IGFN1: variants seen among roughly 807,000 people sequenced by gnomAD.
The protein encoded by IGFN1 is immunoglobulin like and fibronectin type III domain containing 1, also known as immunoglobulin-like and fibronectin type III domain-containing protein 1.
A neutral mutation model predicts 289.5 loss-of-function variants in IGFN1; 253 were observed. The observed-to-expected ratio is 0.87, with a 90% CI of 0.79 to 0.97. The LOEUF is 0.97. Ranked by LOEUF, IGFN1 falls within the 50% of genes least tolerant of loss-of-function variation. The probability of loss-of-function intolerance (pLI) is 0.00; values close to 1 mark genes in which losing one functional copy is unlikely to be tolerated. For synonymous variants in IGFN1, 1,706 were observed against 1,788.5 expected (o/e 0.95, Z 1.16); for missense variants, 4,470 against 4,686.1 (o/e 0.95, Z 1.35).
chr1:201,218,500 GT>G, intron 17 of IGFN1, 29 bp from the exon 18 acceptor site: 1 of 1,603,506 alleles, frequency 6.2e-7, no homozygotes, highest in African/African-American at 1.3e-5. Context: ...CACCATCAGG[GT>G]GGGACTCACA....
intron 19 of IGFN1, 27 bp from the exon 20 acceptor site, chr1:201,222,712 G>A (rs1286572235): frequency 1.3e-6 from 2 of 1,570,858 alleles, no homozygotes; most frequent in African/African-American, 1.3e-5. Context: ...GGAGGAGGGA[G>A]GTAACCAGTC....
At position 201,201,954 on chromosome 1, in the gene IGFN1, C is replaced by A. The variant is rs547473223; in HGVS notation, c.747+122C>A. On this transcript the variant is annotated intron_variant, in intron 9 of 23. Coordinates refer to ENST00000335211, the MANE Select transcript of IGFN1 (RefSeq NM_001164586.2). ...ACAACCAGAGCACACAAGTGGTGAG[C>A]CCCTCATCCCATGGAGTTCCTGGCT... The A allele has an allele frequency of 1.3e-4, 83 of 631,704 alleles. 1 individual carries two copies. Among genetic ancestry groups the A allele is most frequent in the Non-Finnish European group, 2.3e-4 (82 of 348,978 alleles). The allele number at this position is 631,704 out of a possible 1,614,324, so 39.1% of individuals were successfully genotyped here. A position where few individuals can be genotyped will look rare whatever the true frequency, so the allele number is the denominator to read the frequency against.
At position 201,221,617 on chromosome 1, in the gene IGFN1, G is replaced by C. The variant is rs774690185; in HGVS notation, c.10072G>C (p.Val3358Leu). The change falls in exon 19 of 24, where the codon GTC becomes CTC. Residue 3358 changes from valine (V) to leucine (L), a missense_variant. By Grantham distance (32) the Val-to-Leu change is conservative. Around this residue, in one of 8 missense-constraint regions of IGFN1, gnomAD observed 2,218 missense variants for 2,114.1 expected, o/e 1.05. Transcript: ENST00000335211. Reference sequence around the variant, plus strand: ...CCCGTGCCATGTGGGCACCGTGCCAGTCACCACCTACACGGCCAAGGGGCT... The same window carrying C: ...CCCGTGCCATGTGGGCACCGTGCCACTCACCACCTACACGGCCAAGGGGCT... ...WLPCHVGTVP[V>L]TTYTAKGLRP... The C allele has an allele frequency of 6.2e-7, 1 of 1,614,220 alleles. No individual in the cohort carries two copies. The highest frequency in any genetic ancestry group is 1.1e-5 in the South Asian group (1 of 91,092).
At position 201,216,758 on chromosome 1, in the gene IGFN1, G is replaced by A; in HGVS notation, c.9595+5G>A. The A allele has an allele frequency of 6.3e-7, 1 of 1,593,026 alleles. No homozygotes were observed. The highest frequency in any genetic ancestry group is 8.6e-7 in the Non-Finnish European group (1 of 1,167,928). ...AGATATTGGTGGCTCCTGAGGGTGA[G>A]AGAAAAGGCTGGGGCTGGGGGTGGG... On this transcript the variant is annotated splice_donor_5th_base_variant and intron_variant, in intron 16 of 23. Coordinates refer to ENST00000335211, the MANE Select transcript of IGFN1 (RefSeq NM_001164586.2).
At position 201,208,464 on chromosome 1, in the gene IGFN1, T is replaced by C. The variant is rs1667544518; in HGVS notation, c.3571T>C (p.Ser1191Pro). Residue 1191 changes from serine to proline, a missense_variant, in exon 12 of 24, where the codon TCA becomes CCA. Ser to Pro is a moderately conservative substitution (Grantham distance 74). Around this residue, in one of 8 missense-constraint regions of IGFN1, gnomAD observed 2,011 missense variants for 1,953.4 expected, o/e 1.03. Transcript: ENST00000335211. Reference sequence around the variant, plus strand: ...TAGGGATGATACCAGGCACCCTGAGTCACTCGCACCTCACAATGGGGCCGC... The same window carrying C: ...TAGGGATGATACCAGGCACCCTGAGCCACTCGCACCTCACAATGGGGCCGC... ...GYRDDTRHPESLAPHNGAASG... is the reference protein window; with the variant it reads ...GYRDDTRHPEPLAPHNGAASG... 1.4e-6 allele frequency: 2 copies of C among 1,445,456 alleles called. No homozygotes were observed. The highest frequency in any genetic ancestry group is 9.0e-7 in the Non-Finnish European group (1 of 1,106,238). The allele number at this position is 1,445,456 out of a possible 1,614,324, so 89.5% of individuals were successfully genotyped here.
intron 2 of IGFN1, 87 bp from the exon 3 acceptor site, chr1:201,194,067 T>A: frequency 4.1e-6 from 6 of 1,470,722 alleles, no homozygotes; most frequent in Non-Finnish European, 5.5e-6. Flanking sequence ...GCTCCTGGGG[T>A]GAGTGGGTGG....
chr1:201,227,882 T>G (rs1255340305), intron 23 of IGFN1, among the ~76,000 whole-genome samples: 2 of 152,250 alleles, frequency 1.3e-5, no homozygotes, highest in African/African-American at 4.8e-5. Flanking sequence ...TTCTTAAGTA[T>G]GTCAAGATAT....
Position 201,211,125 on chromosome 1 carries a change from A to G in IGFN1, c.6232A>G (p.Lys2078Glu), listed in dbSNP as rs1458607317. The change falls in exon 12 of 24, where the codon AAG (lysine) becomes GAG (glutamate). Residue 2078 changes from lysine (K) to glutamate (E), a missense_variant. By Grantham distance (56) the Lys-to-Glu change is moderately conservative (BLOSUM62 1). Around this residue, in one of 8 missense-constraint regions of IGFN1, gnomAD observed 2,218 missense variants for 2,114.1 expected, o/e 1.05. Transcript: ENST00000335211. Reference protein sequence around the residue: ...AGYRKDLGAPKGMGSGSKTGF... With the variant: ...AGYRKDLGAPEGMGSGSKTGF... ...TTATAGGAAGGATTTAGGGGCTCCT[A>G]AGGGAATGGGTTCAGGGAGTAAGAC... 5.2e-5 allele frequency: 79 copies of G among 1,523,190 alleles called. No individual in the cohort carries two copies. Among genetic ancestry groups the G allele is most frequent in the East Asian group, 2.7e-4 (11 of 40,268 alleles). The allele number at this position is 1,523,190 out of a possible 1,614,324, so 94.4% of individuals were successfully genotyped here.
At position 201,213,067 on chromosome 1, in the gene IGFN1, T is replaced by C; in HGVS notation, c.8174T>C (p.Leu2725Pro). The part of the protein sequence containing the change: ...KGNSTEWGNA[L>P]TPKPGESGPQ... ...AATTCTACTGAGTGGGGGAATGCCCTCACCCCAAAACCTGGGGAGTCCGGA... is the reference window on the plus strand; with the variant it reads ...AATTCTACTGAGTGGGGGAATGCCCCCACCCCAAAACCTGGGGAGTCCGGA... The change falls in exon 12 of 24, where the codon CTC (leucine) becomes CCC (proline). Residue 2725 changes from leucine to proline, a missense_variant. Leu to Pro is a moderately conservative substitution (Grantham distance 98). Around this residue, in one of 8 missense-constraint regions of IGFN1, gnomAD observed 2,218 missense variants for 2,114.1 expected, o/e 1.05. Coordinates refer to ENST00000335211, the MANE Select transcript of IGFN1 (RefSeq NM_001164586.2). 6.4e-7 allele frequency: 1 copy of C among 1,551,576 alleles called. No homozygotes were observed. The highest frequency in any genetic ancestry group is 8.7e-7 in the Non-Finnish European group (1 of 1,146,940).
At position 201,218,600 on chromosome 1, in the gene IGFN1, C is replaced by G. The variant is rs752750913; in HGVS notation, c.9840C>G (p.Pro3280=). ...AGTTCCGGGTCACAGCTGTGGCTCC[C>G]TCAGGTCCCGGAGAGCCTGGACCTC... ...QYEFRVTAVA[P]SGPGEPGPPS... The change falls in exon 18 of 24, where the codon CCC becomes CCG. Residue 3280 remains proline (P), a synonymous_variant. Coordinates refer to ENST00000335211, the MANE Select transcript of IGFN1 (RefSeq NM_001164586.2). 1.2e-6 allele frequency: 2 copies of G among 1,612,902 alleles called. No individual in the cohort carries two copies. Among genetic ancestry groups the G allele is most frequent in the Middle Eastern group, 1.7e-4 (1 of 6,050 alleles).
intron 4 of IGFN1, among the ~76,000 whole-genome samples, chr1:201,196,687 C>G (rs1377197812): frequency 6.6e-6 from 1 of 152,168 alleles, no homozygotes; most frequent in East Asian, 1.9e-4. Flanking sequence ...AAGTGTCTAG[C>G]TAGTGCCTGG....
chr1:201,227,856 G>A (rs891337960), intron 23 of IGFN1, among the ~76,000 whole-genome samples: 4 of 152,170 alleles, frequency 2.6e-5, no homozygotes, highest in Non-Finnish European at 5.9e-5. Flanking sequence ...AGATGAACAG[G>A]CATCCGTATT....
rs376642603 is a variant in IGFN1 at position 201,227,036 on chromosome 1, G to A, written c.10941G>A (p.Trp3647Ter). The part of the protein sequence containing the change: ...VQGSPRPHVT[W>*]FKNDRSLEGN... ...GCTCGCCCCGGCCCCACGTCACCTG[G>A]TTCAAGAATGACCGCAGCCTGGAAG... is the stretch of plus-strand genomic sequence containing the variant. The change falls in exon 23 of 24, where the codon TGG becomes TGA. Residue 3647 changes from tryptophan to a stop codon, truncating the protein, a stop_gained. Transcript: ENST00000335211. LOFTEE classifies it high-confidence loss of function. 8.7e-6 allele frequency: 14 copies of A among 1,613,510 alleles called. No individual in the cohort carries two copies. In the African/African-American group the frequency reaches 1.1e-4, roughly 12 times the overall value.
chr1:201,196,440 G>T, intron 4 of IGFN1, among the ~76,000 whole-genome samples: 1 of 152,200 alleles, frequency 6.6e-6, no homozygotes, highest in Non-Finnish European at 1.5e-5. Flanking sequence ...CACCTCCCAG[G>T]TTCAAGCGAT....
chr1:201,223,164 G>A (rs1481482799), intron 20 of IGFN1: 1 of 199,506 alleles, frequency 5.0e-6, no homozygotes, highest in Non-Finnish European at 1.0e-5. Context: ...CGGTCGTGCA[G>A]ATGATCCCCT....
chr1:201,208,367 A>G lies in IGFN1; in HGVS notation c.3474A>G (p.Ala1158=). 1 of 1,461,638 alleles carries G rather than the reference A, an allele frequency of 6.8e-7. No homozygotes were observed. Among genetic ancestry groups the G allele is most frequent in the South Asian group, 1.4e-5 (1 of 69,300 alleles). The allele number at this position is 1,461,638 out of a possible 1,614,324, so 90.5% of individuals were successfully genotyped here. Residue 1158 remains alanine (A), a synonymous_variant, in exon 12 of 24, where the codon GCA becomes GCG. Coordinates refer to ENST00000335211, the MANE Select transcript of IGFN1 (RefSeq NM_001164586.2). ...CCATGGGACCAGGGTCTCTGAGGGCAGGAAGCAAAGTGGGTGAGGGGGATG... is the reference window on the plus strand; with the variant it reads ...CCATGGGACCAGGGTCTCTGAGGGCGGGAAGCAAAGTGGGTGAGGGGGATG... ...PGAMGPGSLR[A]GSKVGEGDGT...
Position 201,215,710 on chromosome 1 carries a change from T to C in IGFN1, c.9167T>C (p.Val3056Ala). The change falls in exon 15 of 24, where the codon GTG becomes GCG. Residue 3056 changes from valine (V) to alanine (A), a missense_variant. By Grantham distance (64) the Val-to-Ala change is moderately conservative. This residue lies in a region of IGFN1 where 2,218 missense variants were observed against 2,114.1 expected (regional missense o/e 1.05). Transcript: ENST00000335211. ...VVGSSDREAQ[V>A]DLGDGYTRLC... ...GGCAGCAGTGACAGGGAGGCCCAGGTGGACCTGGGGGATGGCTACACGCGG... is the reference window on the plus strand; with the variant it reads ...GGCAGCAGTGACAGGGAGGCCCAGGCGGACCTGGGGGATGGCTACACGCGG... 1.2e-6 allele frequency: 2 copies of C among 1,613,258 alleles called. No individual in the cohort carries two copies. The highest frequency in any genetic ancestry group is 1.3e-5 in the African/African-American group (1 of 74,998).
At position 201,199,767 on chromosome 1, in the gene IGFN1, G is replaced by A. The variant is rs1558135223; in HGVS notation, c.458+113G>A. Reference sequence around the variant, plus strand: ...CCACCTCTACCCAACACAGCAGGGAGCTAGACTGCCAGTAGCAGATGGGAG... The same window carrying A: ...CCACCTCTACCCAACACAGCAGGGAACTAGACTGCCAGTAGCAGATGGGAG... On this transcript the variant is annotated intron_variant, in intron 7 of 23. Coordinates refer to ENST00000335211, the MANE Select transcript of IGFN1 (RefSeq NM_001164586.2). 3 of 864,152 alleles carry A rather than the reference G, an allele frequency of 3.5e-6. No homozygotes were observed. The East Asian group carries it at 8.0e-5, about 23-fold the overall frequency. The allele number at this position is 864,152 out of a possible 1,614,324, so 53.5% of individuals were successfully genotyped here. A position where few individuals can be genotyped will look rare whatever the true frequency, so the allele number is the denominator to read the frequency against.
intron 15 of IGFN1, 181 bp from the exon 16 acceptor site, chr1:201,216,273 G>C: frequency 1.7e-6 from 1 of 605,318 alleles, no homozygotes; most frequent in Non-Finnish European, 2.9e-6. Context: ...TCTCAAGAAT[G>C]TGTGGCCCTC....
Sources: gnomAD v4.1 joint callset for allele counts (sites outside exome capture counted in the v4.1 genomes callset) on GRCh38, gnomAD v4.1.1 for gene constraint, gnomAD v4.1.1 regional missense constraint, MANE v1.5 for transcripts, NCBI Gene and HGNC (gene_info 2026-07-23, HGNC 2026-07-21) for gene names.